Variants in MAP4K5 observed in about 807,000 individuals in gnomAD.
MAP4K5 encodes the protein mitogen-activated protein kinase kinase kinase kinase 5, also known as MAPK/ERK kinase kinase kinase 5.
A neutral mutation model predicts 135.6 loss-of-function variants in MAP4K5; 82 were observed. The observed-to-expected ratio is 0.60, with a 90% confidence interval of 0.51 to 0.73. The LOEUF is 0.73. Among genes scored for constraint, MAP4K5 ranks in the 30% least tolerant of loss-of-function variants. The probability of loss-of-function intolerance (pLI) is 0.00; values close to 1 mark genes in which losing one functional copy is unlikely to be tolerated. For missense variants in MAP4K5, 907 were observed against 1,010.9 expected, an observed-to-expected ratio of 0.90 and a Z score of 1.39; for synonymous variants, 347 against 335.0, an observed-to-expected ratio of 1.04 and a Z score of -0.39.
upstream of MAP4K5, among the ~76,000 whole-genome samples, chr14:50,533,656 A>G (rs1248664140): frequency 6.6e-6 from 1 of 152,204 alleles, no homozygotes; most frequent in African/African-American, 2.4e-5. Context: ...ACACTCAGCC[A>G]CTGCATTTAG....
chr14:50,497,152 A>C (rs944414229), intron 3 of MAP4K5, among the ~76,000 whole-genome samples: 2 of 152,242 alleles, frequency 1.3e-5, no homozygotes, highest in African/African-American at 4.8e-5. Context: ...ACTATGAAAA[A>C]TACAGTGACA....
intron 31 of MAP4K5, among the ~76,000 whole-genome samples, chr14:50,425,197 A>G (rs1214518717): frequency 6.6e-6 from 1 of 152,184 alleles, no homozygotes; most frequent in African/African-American, 2.4e-5. Flanking sequence ...TCATTCCTCA[A>G]ATTGGAGGCC....
intron 13 of MAP4K5, among the ~76,000 whole-genome samples, chr14:50,460,237 C>T (rs1043690803): frequency 5.3e-5 from 8 of 151,990 alleles, no homozygotes; most frequent in Admixed American, 3.3e-4. Context: ...GTAAATTATT[C>T]GTTGGTACTT....
At chr14:50,468,155 T>C (rs1288577637) in intron 10 of MAP4K5, among the ~76,000 whole-genome samples, 1 of 152,074 alleles carries the variant, frequency 6.6e-6, no homozygotes, top group Non-Finnish European at 1.5e-5. Context: ...CAAAATCAAA[T>C]ATAACTAGAA....
At chr14:50,546,063 A>G (rs1363014716) in intron 1 of MAP4K5, among the ~76,000 whole-genome samples, 2 of 152,136 alleles carry the variant, frequency 1.3e-5, no homozygotes, top group Non-Finnish European at 2.9e-5. Context: ...CCACTTGGGG[A>G]TTTTGTTTTT....
chr14:50,491,578 T>C (rs1026926720), intron 3 of MAP4K5, among the ~76,000 whole-genome samples: 33 of 152,270 alleles, frequency 2.2e-4, no homozygotes, highest in African/African-American at 6.7e-4. Flanking sequence ...ATTACAGGCA[T>C]GAGCCACAGC....
At chr14:50,487,886 C>T (rs777513550) in intron 3 of MAP4K5, among the ~76,000 whole-genome samples, 10 of 152,226 alleles carry the variant, frequency 6.6e-5, no homozygotes, top group East Asian at 1.9e-4. Context: ...TTCTCCTTTA[C>T]GCATGCTAAT....
At chr14:50,440,867 G>A (rs2139697939) in intron 21 of MAP4K5, among the ~76,000 whole-genome samples, 1 of 152,228 alleles carries the variant, frequency 6.6e-6, no homozygotes, top group East Asian at 1.9e-4. Flanking sequence ...CCACTAAAAA[G>A]AACCAGGGCT....
At chr14:50,433,472 T>C (rs1447720175) in intron 28 of MAP4K5, among the ~76,000 whole-genome samples, 2 of 152,156 alleles carry the variant, frequency 1.3e-5, no homozygotes, top group Non-Finnish European at 2.9e-5. Context: ...TAACAAATGG[T>C]TGCACCTCAA....
intron 17 of MAP4K5, among the ~76,000 whole-genome samples, chr14:50,445,577 C>CT (rs1187709504): frequency 6.6e-6 from 1 of 151,984 alleles, no homozygotes; most frequent in African/African-American, 2.4e-5. Context: ...TTCTTTCTTT[C>CT]TTTTTTTACT....
chr14:50,450,198 A>G (rs2036451309), intron 14 of MAP4K5: 1 of 152,068 alleles, frequency 6.6e-6, no homozygotes, highest in African/African-American at 2.4e-5. Flanking sequence ...CTGCCCACCT[A>G]AGCCTCCCAA....
At chr14:50,420,807 A>T (rs1038666189) in intron 32 of MAP4K5, among the ~76,000 whole-genome samples, 2 of 152,118 alleles carry the variant, frequency 1.3e-5, no homozygotes, top group Non-Finnish European at 2.9e-5. Context: ...ATAGCTTTTT[A>T]AAAATAGTAT....
chr14:50,436,921 C>A (rs1487117742), intron 26 of MAP4K5, among the ~76,000 whole-genome samples: 2 of 152,120 alleles, frequency 1.3e-5, no homozygotes, highest in Non-Finnish European at 2.9e-5. Context: ...AATCTATATT[C>A]TTTCCCTGTT....
intron 3 of MAP4K5, among the ~76,000 whole-genome samples, chr14:50,504,353 C>A (rs1234509218): frequency 6.6e-6 from 1 of 152,058 alleles, no homozygotes; most frequent in Non-Finnish European, 1.5e-5. Context: ...TGTTTTGAAA[C>A]AAGCAGTCTT....
At chr14:50,473,797 C>T (rs2037029078) in intron 9 of MAP4K5, among the ~76,000 whole-genome samples, 1 of 142,600 alleles carries the variant, frequency 7.0e-6, no homozygotes, top group East Asian at 2.1e-4. Context: ...GCACTCAGCT[C>T]GCTGTAAGCT....
intron 28 of MAP4K5, among the ~76,000 whole-genome samples, chr14:50,429,580 T>C (rs2035925609): frequency 2.0e-5 from 3 of 152,190 alleles, no homozygotes; most frequent in Non-Finnish European, 2.9e-5. Flanking sequence ...ATGCATGCTA[T>C]ACACAATGGC....
intron 3 of MAP4K5, among the ~76,000 whole-genome samples, chr14:50,501,931 G>A (rs569226381): frequency 6.6e-6 from 1 of 152,220 alleles, no homozygotes; most frequent in South Asian, 2.1e-4. Flanking sequence ...CTCTAGAACA[G>A]AGCTTGGCGT....
At chr14:50,471,112 A>G (rs969327333) in intron 9 of MAP4K5, among the ~76,000 whole-genome samples, 18 of 152,238 alleles carry the variant, frequency 1.2e-4, no homozygotes, top group Admixed American at 5.2e-4. Context: ...AGATCAACCC[A>G]TCACCTTGGT....
At chr14:50,439,302 A>G (rs1304513238) in intron 23 of MAP4K5, among the ~76,000 whole-genome samples, 4 of 151,006 alleles carry the variant, frequency 2.6e-5, no homozygotes, top group Non-Finnish European at 5.9e-5. Flanking sequence ...AATCTAAAAT[A>G]TAAGAAAATA....
Sources: allele counts gnomAD v4.1 joint callset (sites outside exome capture counted in the v4.1 genomes callset), GRCh38; gene constraint gnomAD v4.1.1; transcripts MANE v1.5; gene names NCBI Gene and HGNC (gene_info 2026-07-23, HGNC 2026-07-21).